The following SLC16A9 variants were observed in gnomAD, a reference collection of about 807,000 sequenced individuals.
SLC16A9 encodes monocarboxylate transporter 9.
SLC16A9 carries 26 observed loss-of-function variants against 44.3 expected under a neutral mutation model. That is an observed-to-expected ratio of 0.59 (90% CI 0.43 to 0.81). The LOEUF (loss-of-function observed/expected upper bound fraction) is 0.81, where lower values mean the gene tolerates loss of function less well. SLC16A9 is among the 40% of genes least tolerant of loss of function. The pLI is 0.00. For synonymous variants in SLC16A9, 230 were observed against 225.1 expected (o/e 1.02, Z -0.19); for missense variants, 559 against 595.8 (o/e 0.94, Z 0.64).
chr10:59,682,091 T>G (rs1840038547), intron 2 of SLC16A9, among the ~76,000 whole-genome samples: 1 of 152,060 alleles, frequency 6.6e-6, no homozygotes, highest in South Asian at 2.1e-4. Flanking sequence ...TCAATGGTGG[T>G]AGAGCCAGGA....
Position 59,684,221 on chromosome 10 carries a change from A to C in SLC16A9, c.71T>G (p.Phe24Cys). Residue 24 changes from phenylalanine to cysteine, a missense_variant, in exon 2 of 6, where the codon TTT becomes TGT. Coordinates refer to ENST00000395348, the MANE Select transcript of SLC16A9 (RefSeq NM_194298.3). ...VIVFVSFLTQ[F>C]LCYGSPLAVG... ...AGCTAGTGGGGATCCGTAACACAAAAACTGAGTAAGGAAGGAGACAAACAC... is the reference window on the plus strand; with the variant it reads ...AGCTAGTGGGGATCCGTAACACAAACACTGAGTAAGGAAGGAGACAAACAC... 1 of 1,614,064 alleles carries C rather than the reference A, an allele frequency of 6.2e-7. No individual in the cohort carries two copies. Among genetic ancestry groups the C allele is most frequent in the Non-Finnish European group, 8.5e-7 (1 of 1,180,000 alleles).
intron 3 of SLC16A9, among the ~76,000 whole-genome samples, chr10:59,672,349 G>A (rs1333829162): frequency 6.6e-6 from 1 of 152,134 alleles, no homozygotes; most frequent in Admixed American, 6.6e-5. Flanking sequence ...AGCAACAGAT[G>A]CTATGGAATG....
At chr10:59,698,898 C>A (rs1840459556) in intron 1 of SLC16A9, among the ~76,000 whole-genome samples, 1 of 152,068 alleles carries the variant, frequency 6.6e-6, no homozygotes, top group Admixed American at 6.5e-5. Context: ...CCACCATGCC[C>A]AGCTAATGTT....
chr10:59,699,160 A>G (rs968794025), intron 1 of SLC16A9, among the ~76,000 whole-genome samples: 3 of 152,216 alleles, frequency 2.0e-5, no homozygotes, highest in Non-Finnish European at 1.5e-5. Context: ...ACCCCTGAGA[A>G]GATTCTAACA....
In SLC16A9 at chr10:59,687,699, G is replaced by T. The variant is rs1020644243; in HGVS notation, c.-36-3372C>A. 6.6e-5 allele frequency among the ~76,000 whole-genome samples: 10 copies of T among 152,274 alleles called. No homozygotes were observed. In the South Asian group the frequency reaches 2.1e-3, roughly 32 times the overall value. On this transcript the variant is annotated intron_variant, in intron 1 of 5. Coordinates refer to ENST00000395348, the MANE Select transcript of SLC16A9 (RefSeq NM_194298.3). Reference sequence around the variant, plus strand: ...TTAAAGCTTTGGGCTGGGCACAGTGGCTCATGCCTGTAATGCCAGAACTTC... The same window carrying T: ...TTAAAGCTTTGGGCTGGGCACAGTGTCTCATGCCTGTAATGCCAGAACTTC...
intron 1 of SLC16A9, among the ~76,000 whole-genome samples, chr10:59,697,354 A>G (rs1485831561): frequency 4.0e-5 from 6 of 150,640 alleles, no homozygotes; most frequent in Non-Finnish European, 7.4e-5. Context: ...AGAAAGAGGT[A>G]GACATGGGAG....
In SLC16A9 at chr10:59,675,423, G is replaced by A. The variant is rs140865685; in HGVS notation, c.197-2510C>T. On this transcript the variant is annotated intron_variant, in intron 2 of 5. Coordinates refer to ENST00000395348, the MANE Select transcript of SLC16A9 (RefSeq NM_194298.3). ...ACATGAGCAGGGCAGGAGAGCCCTCGCCTCACCCAGGAATTTCCAGTAACC... is the reference window on the plus strand; with the variant it reads ...ACATGAGCAGGGCAGGAGAGCCCTCACCTCACCCAGGAATTTCCAGTAACC... Among the ~76,000 whole-genome samples the A allele has an allele frequency of 4.2e-3, 635 of 152,290 alleles. 2 individuals carry two copies. The highest frequency in any genetic ancestry group is 7.0e-3 in the South Asian group (34 of 4,828).
chr10:59,707,968 A>C (rs1394096166), intron 1 of SLC16A9, among the ~76,000 whole-genome samples: 2 of 152,204 alleles, frequency 1.3e-5, no homozygotes, highest in African/African-American at 4.8e-5. Flanking sequence ...GCTCCTCCCA[A>C]TGCTCTTCCT....
intron 1 of SLC16A9, among the ~76,000 whole-genome samples, chr10:59,696,662 T>C (rs1171635): frequency 0.89 from 131,308 of 147,538 alleles, 58,927 homozygotes; most frequent in Middle Eastern, 0.98. Flanking sequence ...AAGTGAGGAG[T>C]GTCTCTGCCC....
At chr10:59,687,949 G>C (rs1840169099) in intron 1 of SLC16A9, among the ~76,000 whole-genome samples, 4 of 138,804 alleles carry the variant, frequency 2.9e-5, no homozygotes, top group Non-Finnish European at 6.1e-5. Flanking sequence ...GACACAGTGA[G>C]ACCCTGTCTC....
At chr10:59,667,966 C>T (rs1420348744) in intron 3 of SLC16A9, among the ~76,000 whole-genome samples, 3 of 152,042 alleles carry the variant, frequency 2.0e-5, no homozygotes, top group African/African-American at 7.2e-5. Flanking sequence ...TCTTTCCCCT[C>T]ACCTCCTCTC....
chr10:59,661,082 G>A (rs1839464764), intron 4 of SLC16A9, among the ~76,000 whole-genome samples: 1 of 152,138 alleles, frequency 6.6e-6, no homozygotes, highest in Non-Finnish European at 1.5e-5. Context: ...CATTCCCTTT[G>A]AAAACCAACA....
At chr10:59,683,628 G>A (rs139662619) in intron 2 of SLC16A9, among the ~76,000 whole-genome samples, 223 of 152,288 alleles carry the variant, frequency 1.5e-3, no homozygotes, top group African/African-American at 5.2e-3. Context: ...AAACAGAGAA[G>A]AGTAATCACA....
intron 1 of SLC16A9, among the ~76,000 whole-genome samples, chr10:59,707,467 T>A (rs960744812): frequency 4.5e-4 from 69 of 151,696 alleles, no homozygotes; most frequent in African/African-American, 1.7e-3. Flanking sequence ...ATACAAAATT[T>A]CAGTTAGATA....
At chr10:59,673,604 G>T (rs1437460558) in intron 2 of SLC16A9, among the ~76,000 whole-genome samples, 4 of 152,318 alleles carry the variant, frequency 2.6e-5, no homozygotes, top group South Asian at 2.1e-4. Flanking sequence ...TCTGAATTGA[G>T]TTGACAACCT....
chr10:59,698,134 G>C (rs1840443056), intron 1 of SLC16A9, among the ~76,000 whole-genome samples: 1 of 152,108 alleles, frequency 6.6e-6, no homozygotes, highest in Admixed American at 6.5e-5. Context: ...CAGAATTCTA[G>C]AACAACAACT....
chr10:59,681,067 C>G (rs1353290284), intron 2 of SLC16A9, among the ~76,000 whole-genome samples: 2 of 152,016 alleles, frequency 1.3e-5, no homozygotes, highest in Non-Finnish European at 1.5e-5. Flanking sequence ...CGTGTCAAAT[C>G]CACGCAATTA....
chr10:59,696,984 G>T (rs1278459513), intron 1 of SLC16A9, among the ~76,000 whole-genome samples: 6 of 140,588 alleles, frequency 4.3e-5, no homozygotes, highest in Admixed American at 1.4e-4. Context: ...GGGAGGTGGG[G>T]GGGTCAGCCC....
chr10:59,680,652 G>A (rs1839965591), intron 2 of SLC16A9, among the ~76,000 whole-genome samples: 1 of 152,086 alleles, frequency 6.6e-6, no homozygotes, highest in South Asian at 2.1e-4. Context: ...TAAGCCAGTG[G>A]TAGTTCCTAA....
Sources: allele counts gnomAD v4.1 joint callset (sites outside exome capture counted in the v4.1 genomes callset), GRCh38; gene constraint gnomAD v4.1.1; transcripts MANE v1.5; gene names NCBI Gene and HGNC (gene_info 2026-07-23, HGNC 2026-07-21).